SH2D4A: variants seen among roughly 807,000 people sequenced by gnomAD.
SH2D4A encodes SH2 domain containing 4A, also known as SH2 domain-containing protein 4A.
A neutral mutation model predicts 64.7 loss-of-function variants in SH2D4A; 70 were observed. The observed-to-expected ratio is 1.08, with a 90% CI of 0.89 to 1.32. The LOEUF (loss-of-function observed/expected upper bound fraction) is 1.32. SH2D4A is among the 40% of genes most tolerant of loss of function. The pLI, the probability that SH2D4A is intolerant of heterozygous loss-of-function variation, is 0.00. For synonymous variants in SH2D4A, 268 were observed against 200.7 expected, an observed-to-expected ratio of 1.34 and a Z score of -2.83; for missense variants, 706 against 540.1, an observed-to-expected ratio of 1.31 and a Z score of -3.04.
rs184837465 is a variant in SH2D4A, at chr8:19,387,567, G to T, written c.1049-5751G>T. On this transcript the variant is annotated intron_variant, in intron 8 of 9. Transcript: ENST00000265807. The stretch of plus-strand genomic sequence containing the variant: ...GGCCATCACATGCTTTTTTATTTTT[G>T]TACCATCACATGCTTTCTGGACAGT... Among the ~76,000 whole-genome samples the T allele has an allele frequency of 6.1e-3, 930 of 152,268 alleles. 5 individuals are homozygous for T. Among genetic ancestry groups the T allele is most frequent in the African/African-American group, 0.022 (895 of 41,558 alleles).
intron 1 of SH2D4A, chr8:19,314,157 G>C (rs2052045454): frequency 5.8e-6 from 6 of 1,025,852 alleles, no homozygotes; most frequent in Non-Finnish European, 7.2e-6. Flanking sequence ...TGCCGGGGCT[G>C]AGGACCTTCG....
chr8:19,358,453 G>A (rs1016338624), intron 5 of SH2D4A, among the ~76,000 whole-genome samples: 1 of 152,188 alleles, frequency 6.6e-6, no homozygotes, highest in Non-Finnish European at 1.5e-5. Flanking sequence ...ATGGAATTGG[G>A]ATGGGACAGG....
chr8:19,316,090 G>T (rs2052082621), intron 1 of SH2D4A, among the ~76,000 whole-genome samples: 1 of 152,114 alleles, frequency 6.6e-6, no homozygotes, highest in Non-Finnish European at 1.5e-5. Context: ...CTTGGAGCGG[G>T]GGTTAGGGGT....
chr8:19,335,985 T>C (rs2052439490), intron 4 of SH2D4A, among the ~76,000 whole-genome samples: 1 of 152,202 alleles, frequency 6.6e-6, no homozygotes, highest in South Asian at 2.1e-4. Flanking sequence ...GCTTTTGACT[T>C]CTTTGAGGCT....
intron 7 of SH2D4A, among the ~76,000 whole-genome samples, chr8:19,367,274 G>T (rs1279162117): frequency 6.6e-6 from 1 of 151,974 alleles, no homozygotes; most frequent in East Asian, 1.9e-4. Flanking sequence ...ACCCAGTAGT[G>T]GGATTGTTGG....
chr8:19,339,158 C>T (rs1029149951), intron 4 of SH2D4A, among the ~76,000 whole-genome samples: 1 of 152,196 alleles, frequency 6.6e-6, no homozygotes, highest in African/African-American at 2.4e-5. Context: ...AGGAAGCATC[C>T]AGCACAGGAG....
intron 5 of SH2D4A, among the ~76,000 whole-genome samples, chr8:19,358,716 G>A (rs2052832434): frequency 6.6e-6 from 1 of 152,202 alleles, no homozygotes; most frequent in Non-Finnish European, 1.5e-5. Flanking sequence ...CTCCTTTGGG[G>A]ACACTTGTGA....
intron 1 of SH2D4A, among the ~76,000 whole-genome samples, chr8:19,317,729 C>T (rs1325989682): frequency 6.6e-6 from 1 of 152,002 alleles, no homozygotes. Context: ...ACAAGGTGAA[C>T]GAAGAGAAAC....
intron 2 of SH2D4A, among the ~76,000 whole-genome samples, chr8:19,322,617 T>C (rs1465700326): frequency 6.7e-6 from 1 of 149,752 alleles, no homozygotes; most frequent in Admixed American, 6.6e-5. Flanking sequence ...TTATTCTTTT[T>C]TTTTTTTTTT....
chr8:19,331,348 G>A (rs1434320343), intron 2 of SH2D4A, among the ~76,000 whole-genome samples: 1 of 152,168 alleles, frequency 6.6e-6, no homozygotes, highest in Non-Finnish European at 1.5e-5. Flanking sequence ...CACCAGCCAG[G>A]TGCCCTCTTC....
intron 8 of SH2D4A, among the ~76,000 whole-genome samples, chr8:19,381,696 A>C (rs1328031919): frequency 6.6e-6 from 1 of 152,226 alleles, no homozygotes; most frequent in Non-Finnish European, 1.5e-5. Flanking sequence ...GTTGAATAGA[A>C]ATGGCAAAAG....
intron 2 of SH2D4A, among the ~76,000 whole-genome samples, chr8:19,326,268 T>C (rs145392710): frequency 2.0e-5 from 3 of 152,328 alleles, no homozygotes; most frequent in Admixed American, 2.0e-4. Context: ...GGCATGGGCA[T>C]CAACCAGTTG....
chr8:19,344,075 G>A (rs1243460526), intron 4 of SH2D4A, among the ~76,000 whole-genome samples: 1 of 152,200 alleles, frequency 6.6e-6, no homozygotes, highest in Non-Finnish European at 1.5e-5. Flanking sequence ...AGTTTGAGTA[G>A]ATGCTAACAG....
chr8:19,345,232 A>G (rs1466387457), intron 4 of SH2D4A, among the ~76,000 whole-genome samples: 3 of 152,212 alleles, frequency 2.0e-5, no homozygotes, highest in Non-Finnish European at 4.4e-5. Context: ...TATCCTTGTC[A>G]ACAGGGCTGC....
At chr8:19,379,081 A>T (rs560858142) in intron 8 of SH2D4A, among the ~76,000 whole-genome samples, 2 of 151,442 alleles carry the variant, frequency 1.3e-5, no homozygotes, top group Admixed American at 1.3e-4. Flanking sequence ...CCTTAAAAAA[A>T]AAAAAAAAAA....
intron 8 of SH2D4A, among the ~76,000 whole-genome samples, chr8:19,376,011 C>G (rs17128334): frequency 0.027 from 4,097 of 152,226 alleles, 184 homozygotes; most frequent in African/African-American, 0.094. Flanking sequence ...TCCCTTCCAT[C>G]CCTCAGACAC....
chr8:19,377,241 A>T (rs901309299), intron 8 of SH2D4A, among the ~76,000 whole-genome samples: 3 of 152,106 alleles, frequency 2.0e-5, no homozygotes, highest in South Asian at 2.1e-4. Flanking sequence ...CATGACCTGG[A>T]TGTGGTGGCA....
At chr8:19,375,863 C>T (rs1285451422) in intron 8 of SH2D4A, among the ~76,000 whole-genome samples, 1 of 152,120 alleles carries the variant, frequency 6.6e-6, no homozygotes, top group Non-Finnish European at 1.5e-5. Flanking sequence ...TAAATTTATA[C>T]AATTGTAAAT....
At chr8:19,343,304 A>G (rs1353098134) in intron 4 of SH2D4A, among the ~76,000 whole-genome samples, 1 of 152,090 alleles carries the variant, frequency 6.6e-6, no homozygotes, top group Non-Finnish European at 1.5e-5. Context: ...ATGCTGGTGC[A>G]CACCTGTAGT....
Sources: gnomAD v4.1 joint callset for allele counts (sites outside exome capture counted in the v4.1 genomes callset) on GRCh38, gnomAD v4.1.1 for gene constraint, MANE v1.5 for transcripts, NCBI Gene and HGNC (gene_info 2026-07-23, HGNC 2026-07-21) for gene names.